The following RAP1A variants were observed in gnomAD, a reference collection of about 807,000 sequenced individuals.
The protein encoded by RAP1A is RAP1A, member of RAS oncogene family, also known as ras-related protein Rap-1A.
Under a neutral mutation model 26.4 loss-of-function variants are expected in RAP1A, and 6 were observed. The ratio of observed to expected loss-of-function variants is 0.23; its 90% CI spans 0.12 to 0.45. RAP1A has a LOEUF of 0.45. RAP1A is among the 20% of genes least tolerant of loss of function. RAP1A has a pLI of 0.99. For synonymous variants in RAP1A, 73 were observed against 79.4 expected, an observed-to-expected ratio of 0.92 and a Z score of 0.43; for missense variants, 121 against 217.2, an observed-to-expected ratio of 0.56 and a Z score of 2.78.
At chr1:111,698,429 C>G (rs113107193) in intron 4 of RAP1A, among the ~76,000 whole-genome samples, 1 of 152,178 alleles carries the variant, frequency 6.6e-6, no homozygotes, top group African/African-American at 2.4e-5. Flanking sequence ...CCACCACCCC[C>G]AGCTAATAAA....
chr1:111,670,072 T>A (rs1314724504), intron 1 of RAP1A, among the ~76,000 whole-genome samples: 1 of 152,054 alleles, frequency 6.6e-6, no homozygotes. Context: ...AACTGGGAGT[T>A]TTTTTTTGTT....
intron 1 of RAP1A, among the ~76,000 whole-genome samples, chr1:111,566,923 C>A (rs1216870078): frequency 1.4e-5 from 2 of 147,694 alleles, no homozygotes; most frequent in Admixed American, 6.8e-5. Context: ...TAAAATAATA[C>A]CCAATTATGA....
At chr1:111,627,001 C>T (rs1571507774) in intron 1 of RAP1A, among the ~76,000 whole-genome samples, 1 of 151,950 alleles carries the variant, frequency 6.6e-6, no homozygotes, top group African/African-American at 2.4e-5. Flanking sequence ...ACAAGTCTGA[C>T]GTTTTCTTTG....
chr1:111,564,050 T>A, intron 1 of RAP1A: 1 of 849,070 alleles, frequency 1.2e-6, no homozygotes, highest in Non-Finnish European at 2.0e-6. Flanking sequence ...AGGAATTCCC[T>A]GTTTTGGGGG....
At chr1:111,620,187 C>T (rs536386011) in intron 1 of RAP1A, among the ~76,000 whole-genome samples, 2 of 152,126 alleles carry the variant, frequency 1.3e-5, no homozygotes, top group African/African-American at 4.8e-5. Context: ...TGTAGGCCTG[C>T]GGGAGACCGT....
At chr1:111,645,098 A>G (rs1269769041) in intron 1 of RAP1A, among the ~76,000 whole-genome samples, 1 of 152,172 alleles carries the variant, frequency 6.6e-6, no homozygotes, top group Admixed American at 6.5e-5. Flanking sequence ...GGGTCTTATT[A>G]ACACAGTGTG....
At chr1:111,613,714 C>T (rs567717837) in intron 1 of RAP1A, among the ~76,000 whole-genome samples, 5 of 152,204 alleles carry the variant, frequency 3.3e-5, no homozygotes, top group Non-Finnish European at 5.9e-5. Context: ...GGCCACTAAT[C>T]ACTTGCTTGG....
intron 1 of RAP1A, chr1:111,648,622 A>G (rs1660157542): frequency 1.3e-5 from 7 of 523,420 alleles, no homozygotes; most frequent in South Asian, 1.0e-4. Context: ...AGTCTGTTCT[A>G]CAAACTGGCC....
intron 1 of RAP1A, among the ~76,000 whole-genome samples, chr1:111,600,404 T>C (rs957532423): frequency 3.3e-5 from 5 of 152,206 alleles, no homozygotes; most frequent in African/African-American, 4.8e-5. Flanking sequence ...TAAGTGTAAA[T>C]GGATATTCTT....
chr1:111,695,219 CA>C lies in RAP1A; in HGVS notation c.58-121del, dbSNP rs1571568187. ...TTGAAAGAATTAATAATATACTTTACATTTACGTGTTTACCCAGAATTTTCA... is the reference window on the plus strand; with the variant it reads ...TTGAAAGAATTAATAATATACTTTACTTTACGTGTTTACCCAGAATTTTCA... On this transcript the variant is annotated intron_variant, in intron 2 of 7. Transcript: ENST00000369709. 9 of 583,814 alleles carry C rather than the reference CA, an allele frequency of 1.5e-5. No homozygotes were observed. In the East Asian group the frequency reaches 2.7e-4, roughly 18 times the overall value. 36.2% of individuals were successfully genotyped at this position (583,814 alleles called of 1,614,324 possible). A position where few individuals can be genotyped will look rare whatever the true frequency, so the allele number is the denominator to read the frequency against.
At chr1:111,695,456 G>A (rs1409693529) in intron 3 of RAP1A, 47 bp downstream of exon 3, 1 of 1,331,230 alleles carries the variant, frequency 7.5e-7, no homozygotes, top group Non-Finnish European at 1.0e-6. Context: ...AGTTCCTTAT[G>A]ATGTTAAAAT....
intron 1 of RAP1A, among the ~76,000 whole-genome samples, chr1:111,687,823 A>C (rs975285388): frequency 6.6e-6 from 1 of 151,878 alleles, no homozygotes; most frequent in Non-Finnish European, 1.5e-5. Context: ...AGACCAGCCT[A>C]GGTAACATAG....
chr1:111,638,299 TTTG>T (rs1220045305), intron 1 of RAP1A, among the ~76,000 whole-genome samples: 1 of 152,186 alleles, frequency 6.6e-6, no homozygotes, highest in East Asian at 1.9e-4. Flanking sequence ...TCTTTCCCAT[TTTG>T]TTTTGTTTTT....
rs556811023 is a variant in RAP1A, at chr1:111,674,987, C to A, written c.-27-16347C>A. Among the ~76,000 whole-genome samples, 5 of 152,022 alleles carry A rather than the reference C, an allele frequency of 3.3e-5. No homozygotes were observed. In the East Asian group the frequency reaches 9.6e-4, roughly 29 times the overall value. ...TTTTTAAATCACTTTGTCTTTTCCCCGTTATTTACTAGATAAAATATGAGC... is the reference window on the plus strand; with the variant it reads ...TTTTTAAATCACTTTGTCTTTTCCCAGTTATTTACTAGATAAAATATGAGC... On this transcript the variant is annotated intron_variant, in intron 1 of 7. Coordinates refer to ENST00000369709, the MANE Select transcript of RAP1A (RefSeq NM_002884.4).
At position 111,712,598 on chromosome 1, in the gene RAP1A, T is replaced by A. The variant is rs1662418650; in HGVS notation, c.*197T>A. 6.6e-6 allele frequency: 1 copy of A among 152,532 alleles called. No individual in the cohort carries two copies. Among genetic ancestry groups the A allele is most frequent in the Non-Finnish European group, 1.5e-5 (1 of 67,930 alleles). The allele number at this position is 152,532 out of a possible 1,614,324, so 9.4% of individuals were successfully genotyped here. On this transcript the variant is annotated 3_prime_UTR_variant, in exon 8 of 8. Coordinates refer to ENST00000369709, the MANE Select transcript of RAP1A (RefSeq NM_002884.4). ...AGAAAAAAATTGCTCTGTGTATATC[T>A]CTTGGAAAATAAGACAATAGTATTT... is the stretch of plus-strand genomic sequence containing the variant.
chr1:111,547,697 G>A (rs573992725), intron 1 of RAP1A, among the ~76,000 whole-genome samples: 7 of 152,260 alleles, frequency 4.6e-5, no homozygotes, highest in African/African-American at 1.7e-4. Flanking sequence ...GAAGTCAGAA[G>A]GAGCCAAATC....
At chr1:111,577,786 C>T (rs2101058796) in intron 1 of RAP1A, among the ~76,000 whole-genome samples, 1 of 152,094 alleles carries the variant, frequency 6.6e-6, no homozygotes, top group Middle Eastern at 3.4e-3. Flanking sequence ...TCTTCTTATC[C>T]CACTTAATTA....
Position 111,573,762 on chromosome 1 carries a change from T to C in RAP1A, c.-28+31253T>C, listed in dbSNP as rs1025539052. ...GCTTGTTGGCCACATGTATGTCTTT[T>C]TTTGAAAAGTGTCTTTTCATGTCCT... On this transcript the variant is annotated intron_variant, in intron 1 of 7. Transcript: ENST00000356415. Among the ~76,000 whole-genome samples, 23 of 152,358 alleles carry C rather than the reference T, an allele frequency of 1.5e-4. 1 individual carries two copies. The highest frequency in any genetic ancestry group is 5.5e-4 in the African/African-American group (23 of 41,590).
chr1:111,698,666 C>T (rs919025993), intron 4 of RAP1A, among the ~76,000 whole-genome samples: 1 of 152,114 alleles, frequency 6.6e-6, no homozygotes, highest in Non-Finnish European at 1.5e-5. Flanking sequence ...TTCAAAAAAG[C>T]ATGTAAGCAA....
Sources: allele counts gnomAD v4.1 joint callset (sites outside exome capture counted in the v4.1 genomes callset), GRCh38; gene constraint gnomAD v4.1.1; transcripts MANE v1.5; gene names NCBI Gene and HGNC (gene_info 2026-07-23, HGNC 2026-07-21).